Variants in COMMD1 observed in about 807,000 individuals in gnomAD.
COMMD1 encodes the protein copper metabolism domain containing 1.
Under a neutral mutation model 17.2 loss-of-function variants are expected in COMMD1, and 10 were observed. The observed-to-expected ratio is 0.58, with a 90% CI of 0.36 to 0.99. COMMD1 has a LOEUF of 0.99. Among genes scored for constraint, COMMD1 ranks in the 50% least tolerant of loss-of-function variants. The probability of loss-of-function intolerance (pLI) is 0.01; values close to 1 mark genes in which losing one functional copy is unlikely to be tolerated. For missense variants in COMMD1, 270 were observed against 231.8 expected, an observed-to-expected ratio of 1.17 and a Z score of -1.07; for synonymous variants, 97 against 91.6, an observed-to-expected ratio of 1.06 and a Z score of -0.34.
intron 1 of COMMD1, among the ~76,000 whole-genome samples, chr2:61,982,429 A>G (rs1215823426): frequency 2.0e-5 from 3 of 152,168 alleles, no homozygotes; most frequent in African/African-American, 4.8e-5. Flanking sequence ...ATCATCTGCA[A>G]AAAAGAACAG....
intron 1 of COMMD1, among the ~76,000 whole-genome samples, chr2:61,974,086 G>A (rs1005253058): frequency 1.3e-5 from 2 of 152,136 alleles, no homozygotes; most frequent in African/African-American, 4.8e-5. Flanking sequence ...TTGAGGTCAG[G>A]AGTTTGAGAC....
intron 2 of COMMD1, among the ~76,000 whole-genome samples, chr2:62,059,527 A>G (rs186647031): frequency 2.0e-5 from 3 of 152,244 alleles, no homozygotes; most frequent in Non-Finnish European, 2.9e-5. Context: ...ACTGAAAATA[A>G]TATAGCCTCT....
At chr2:61,905,917 G>C in intron 1 of COMMD1, 59 bp downstream of exon 1, 1 of 1,556,276 alleles carries the variant, frequency 6.4e-7, no homozygotes, top group South Asian at 1.1e-5. Flanking sequence ...GCTGGCTTCA[G>C]ACTCTCCCCC....
intron 1 of COMMD1, among the ~76,000 whole-genome samples, chr2:61,971,941 T>A (rs975982770): frequency 5.3e-5 from 8 of 152,056 alleles, no homozygotes; most frequent in Admixed American, 4.6e-4. Flanking sequence ...GGCAATATAG[T>A]GAGACTTCAT....
intron 2 of COMMD1, among the ~76,000 whole-genome samples, chr2:62,134,921 A>G (rs1452459566): frequency 8.5e-5 from 13 of 152,202 alleles, no homozygotes; most frequent in Admixed American, 8.5e-4. Context: ...TGTTATTTCA[A>G]GATCTGGTTA....
chr2:62,053,514 A>G (rs576917142), intron 2 of COMMD1, among the ~76,000 whole-genome samples: 5 of 152,328 alleles, frequency 3.3e-5, no homozygotes, highest in African/African-American at 1.2e-4. Context: ...TTAGAACTGT[A>G]AGAAAAAAGA....
intron 1 of COMMD1, among the ~76,000 whole-genome samples, chr2:61,899,105 C>G (rs181357970): frequency 1.4e-4 from 21 of 152,272 alleles, no homozygotes; most frequent in African/African-American, 5.1e-4. Context: ...GCAGAATATG[C>G]TATCCCAAAA....
At chr2:62,094,967 A>G (rs749011277) in intron 2 of COMMD1, among the ~76,000 whole-genome samples, 1 of 152,054 alleles carries the variant, frequency 6.6e-6, no homozygotes, top group African/African-American at 2.4e-5. Context: ...AGTCTTTTGG[A>G]TTGTTTAGAG....
chr2:62,115,503 T>C (rs1255328437), intron 2 of COMMD1, among the ~76,000 whole-genome samples: 2 of 152,236 alleles, frequency 1.3e-5, no homozygotes, highest in African/African-American at 4.8e-5. Context: ...GAGTAAAAGA[T>C]AAAAGAGTTA....
At chr2:62,061,144 G>T (rs1183063704) in intron 2 of COMMD1, among the ~76,000 whole-genome samples, 7 of 152,038 alleles carry the variant, frequency 4.6e-5, no homozygotes, top group Non-Finnish European at 1.0e-4. Flanking sequence ...CTTAATCATA[G>T]TTATCACTGT....
At chr2:61,931,828 AT>A (rs1670474076) in intron 1 of COMMD1, among the ~76,000 whole-genome samples, 3 of 152,212 alleles carry the variant, frequency 2.0e-5, no homozygotes, top group African/African-American at 7.2e-5. Flanking sequence ...ATTGGGTAAA[AT>A]TCCAGAAGGC....
At chr2:62,076,672 C>T (rs757090082) in intron 2 of COMMD1, among the ~76,000 whole-genome samples, 1 of 151,210 alleles carries the variant, frequency 6.6e-6, no homozygotes, top group South Asian at 2.1e-4. Context: ...ATTTGAACCC[C>T]GGAGGCGGAG....
chr2:61,991,349 T>C (rs887346188), intron 1 of COMMD1, among the ~76,000 whole-genome samples: 1 of 152,204 alleles, frequency 6.6e-6, no homozygotes, highest in African/African-American at 2.4e-5. Context: ...GGACTTAATG[T>C]TGATCTGCAA....
intron 2 of COMMD1, among the ~76,000 whole-genome samples, chr2:62,115,461 A>G (rs962191428): frequency 1.3e-5 from 2 of 152,260 alleles, no homozygotes; most frequent in Non-Finnish European, 2.9e-5. Context: ...ATTTAGAAGT[A>G]GTGAGAACAT....
At chr2:61,921,022 G>A (rs1255157516) in intron 1 of COMMD1, among the ~76,000 whole-genome samples, 1 of 148,290 alleles carries the variant, frequency 6.7e-6, no homozygotes, top group East Asian at 2.0e-4. Context: ...CTGTCACTGA[G>A]GCTGGAGTAC....
intron 1 of COMMD1, among the ~76,000 whole-genome samples, chr2:61,889,202 CT>C (rs34949326): frequency 5.5e-5 from 3 of 54,786 alleles, no homozygotes; most frequent in South Asian, 9.3e-4. Context: ...GAAGCCCGGC[CT>C]TTTTTTTTTT....
chr2:62,019,054 CTTTCTTTCT>C (rs1669534511), intron 2 of COMMD1, among the ~76,000 whole-genome samples: 1 of 136,750 alleles, frequency 7.3e-6, no homozygotes, highest in African/African-American at 2.7e-5. Flanking sequence ...TCCTTCCTTC[CTTTCTTTCT>C]CTCTCTCTTT....
chr2:61,966,865 A>G (rs1184950343), intron 1 of COMMD1, among the ~76,000 whole-genome samples: 1 of 152,138 alleles, frequency 6.6e-6, no homozygotes, highest in Non-Finnish European at 1.5e-5. Context: ...TGATAAAATA[A>G]TAAGGCTTCT....
At chr2:62,111,181 C>T (rs1460940617) in intron 2 of COMMD1, among the ~76,000 whole-genome samples, 4 of 152,146 alleles carry the variant, frequency 2.6e-5, no homozygotes, top group African/African-American at 7.2e-5. Context: ...TAATGAGGCA[C>T]ATTTTGGGGT....
Sources: allele counts gnomAD v4.1 joint callset (sites outside exome capture counted in the v4.1 genomes callset), GRCh38; gene constraint gnomAD v4.1.1; transcripts MANE v1.5; gene names NCBI Gene and HGNC (gene_info 2026-07-23, HGNC 2026-07-21).